The following PRKN variants were observed in gnomAD, a reference collection of about 807,000 sequenced individuals.
The protein encoded by PRKN is parkin RBR E3 ubiquitin protein ligase.
In PRKN, 56 loss-of-function variants were observed where a neutral mutation model predicts 59.5. The ratio of observed to expected loss-of-function variants is 0.94; its 90% CI spans 0.76 to 1.18. The LOEUF is 1.18. Ranked by LOEUF, PRKN falls within the 50% of genes most tolerant of loss-of-function variation. The pLI, the probability that PRKN is intolerant of heterozygous loss-of-function variation, is 0.00. For missense variants in PRKN, 657 were observed against 596.4 expected, an observed-to-expected ratio of 1.10 and a Z score of -1.06; for synonymous variants, 250 against 222.1, an observed-to-expected ratio of 1.13 and a Z score of -1.12.
chr6:162,404,987 C>T (rs535616637), intron 2 of PRKN, among the ~76,000 whole-genome samples: 1 of 152,204 alleles, frequency 6.6e-6, no homozygotes, highest in Admixed American at 6.5e-5. Context: ...AAGCACTAGG[C>T]CTATATTATT....
chr6:162,311,227 T>A (rs12214761), intron 2 of PRKN, among the ~76,000 whole-genome samples: 4 of 151,934 alleles, frequency 2.6e-5, no homozygotes, highest in African/African-American at 4.8e-5. Flanking sequence ...AAGAATAGAT[T>A]TGTTAAAATA....
chr6:162,013,702 T>C (rs1474875644), intron 5 of PRKN, among the ~76,000 whole-genome samples: 1 of 152,194 alleles, frequency 6.6e-6, no homozygotes, highest in East Asian at 1.9e-4. Context: ...ACTCTGGTTA[T>C]CTCAATATTT....
intron 1 of PRKN, among the ~76,000 whole-genome samples, chr6:162,605,525 C>G (rs112654661): frequency 6.6e-6 from 1 of 151,638 alleles, no homozygotes; most frequent in African/African-American, 2.4e-5. Context: ...TTCAAAACAC[C>G]CTAAGAACTC....
chr6:161,868,664 C>T (rs1794221059), intron 6 of PRKN, among the ~76,000 whole-genome samples: 3 of 152,144 alleles, frequency 2.0e-5, no homozygotes, highest in South Asian at 4.1e-4. Context: ...TGGAGAAGCA[C>T]AATCTTTAGG....
chr6:162,640,816 G>A (rs918475340), intron 1 of PRKN, among the ~76,000 whole-genome samples: 3 of 152,144 alleles, frequency 2.0e-5, no homozygotes, highest in Admixed American at 2.0e-4. Context: ...CCTTTCCACA[G>A]GTTCTGAACT....
At chr6:162,406,714 T>C (rs1044890029) in intron 2 of PRKN, among the ~76,000 whole-genome samples, 1 of 152,128 alleles carries the variant, frequency 6.6e-6, no homozygotes, top group Non-Finnish European at 1.5e-5. Context: ...CTATCCACCA[T>C]GAAAAGTTGA....
At chr6:162,201,629 A>G (rs7759069) in intron 3 of PRKN, among the ~76,000 whole-genome samples, 152,234 of 152,268 alleles carry the variant, frequency 1, 76,101 homozygotes, top group Non-Finnish European at 1. Context: ...TCGTGCTTCC[A>G]GACACAGTTT....
intron 1 of PRKN, among the ~76,000 whole-genome samples, chr6:162,686,507 A>T (rs1157138101): frequency 6.6e-6 from 1 of 152,174 alleles, no homozygotes; most frequent in Non-Finnish European, 1.5e-5. Flanking sequence ...AAGGCTGGAA[A>T]TTTGATATTT....
chr6:162,645,719 A>G lies in PRKN; in HGVS notation c.7+81943T>C, dbSNP rs998310364. 4.6e-5 allele frequency among the ~76,000 whole-genome samples: 7 copies of G among 152,286 alleles called. No homozygotes were observed. The East Asian group carries it at 7.7e-4, about 17-fold the overall frequency. ...AAAAGTAATAATCAACAAATCGGAT[A>G]TAACTGATGAGATTGTTTGATAGCC... On this transcript the variant is annotated intron_variant, in intron 1 of 11. Transcript: ENST00000366898.
intron 5 of PRKN, among the ~76,000 whole-genome samples, chr6:161,977,247 T>G (rs1359341268): frequency 6.6e-6 from 1 of 152,174 alleles, no homozygotes; most frequent in African/African-American, 2.4e-5. Flanking sequence ...GACAAAGGAC[T>G]GCAGAACTCA....
chr6:162,674,862 C>A (rs1285834965), intron 1 of PRKN, among the ~76,000 whole-genome samples: 1 of 151,986 alleles, frequency 6.6e-6, no homozygotes, highest in Admixed American at 6.6e-5. Flanking sequence ...AAGAAGGAAA[C>A]AGATGCCAGC....
In PRKN at chr6:162,688,572, T is replaced by C. The variant is rs115200679; in HGVS notation, c.7+39090A>G. The stretch of plus-strand genomic sequence containing the variant: ...TCCTAAAACAAAATTTAACTGTTAC[T>C]TTAGTGAGTACCAAGAGTGCACACA... On this transcript the variant is annotated intron_variant, in intron 1 of 11. Coordinates refer to ENST00000366898, the MANE Select transcript of PRKN (RefSeq NM_004562.3). Among the ~76,000 whole-genome samples, 258 of 152,322 alleles carry C rather than the reference T, an allele frequency of 1.7e-3. 1 individual carries two copies. Among genetic ancestry groups the C allele is most frequent in the African/African-American group, 6.0e-3 (249 of 41,578 alleles).
Position 161,914,841 on chromosome 6 carries a change from C to T in PRKN, c.734+58461G>A, listed in dbSNP as rs990396976. On this transcript the variant is annotated intron_variant, in intron 6 of 11. Transcript: ENST00000366898. ...TTAACAAGCAGGAGAGGGATGTTTC[C>T]CTGGTCTCACCAGCAATAAATGTGT... Among the ~76,000 whole-genome samples, 80 of 151,808 alleles carry T rather than the reference C, an allele frequency of 5.3e-4. 6 individuals carry two copies. Among genetic ancestry groups the T allele is most frequent in the Non-Finnish European group, 1.5e-5 (1 of 68,002 alleles).
chr6:161,371,482 T>TTA lies in PRKN; in HGVS notation c.1168-11278_1168-11277insTA, dbSNP rs1554253909. ...GCCCGGCCTATTTTGTTATTTTTTTTAAGAGAAATCATCAGAGTGTTGGGA... is the reference window on the plus strand; with the variant it reads ...GCCCGGCCTATTTTGTTATTTTTTTTTAAAGAGAAATCATCAGAGTGTTGGGA... On this transcript the variant is annotated intron_variant, in intron 10 of 11. Transcript: ENST00000366898. This position sits in a 1 kb window ranked among gnomAD's most constrained non-coding sequence, Gnocchi z 5.5. Among the ~76,000 whole-genome samples the TTA allele has an allele frequency of 6.6e-6, 1 of 151,512 alleles. No individual in the cohort carries two copies. Among genetic ancestry groups the TTA allele is most frequent in the Non-Finnish European group, 1.5e-5 (1 of 67,938 alleles).
intron 4 of PRKN, among the ~76,000 whole-genome samples, chr6:162,065,108 C>T (rs980854521): frequency 2.0e-5 from 3 of 152,126 alleles, no homozygotes; most frequent in Non-Finnish European, 2.9e-5. Flanking sequence ...AGAATTGGCT[C>T]ACATGATCAC....
At chr6:161,883,600 A>G (rs369905274) in intron 6 of PRKN, among the ~76,000 whole-genome samples, 2 of 152,258 alleles carry the variant, frequency 1.3e-5, no homozygotes, top group East Asian at 3.9e-4. Context: ...TAGAAAACAC[A>G]GACACAGCAT....
At chr6:162,249,273 A>C (rs1213211817) in intron 3 of PRKN, among the ~76,000 whole-genome samples, 1 of 152,222 alleles carries the variant, frequency 6.6e-6, no homozygotes. Context: ...TTACTTTTTC[A>C]TGAGAACATA....
chr6:162,722,959 T>C (rs912682474), intron 1 of PRKN, among the ~76,000 whole-genome samples: 6 of 152,218 alleles, frequency 3.9e-5, no homozygotes, highest in African/African-American at 1.4e-4. Flanking sequence ...TACCTCATTA[T>C]AAACAGAAGC....
chr6:161,680,775 A>ATTTTTTT lies in PRKN; in HGVS notation c.871+104990_871+104996dup, dbSNP rs869253616. ...TATATATATATATATATATATATAT[A>ATTTTTTT]TTTTTTTTTTTTTTTCTTTTCCTAA... On this transcript the variant is annotated intron_variant, in intron 7 of 11. Coordinates refer to ENST00000366898, the MANE Select transcript of PRKN (RefSeq NM_004562.3). Among the ~76,000 whole-genome samples the ATTTTTTT allele has an allele frequency of 2.6e-3, 80 of 30,590 alleles. 3 individuals carry two copies. Among genetic ancestry groups the ATTTTTTT allele is most frequent in the Admixed American group, 7.1e-3 (14 of 1,970 alleles). The allele number at this position is 30,590 out of a possible 152,430, so 20.1% of individuals were successfully genotyped here. A position where few individuals can be genotyped will look rare whatever the true frequency, so the allele number is the denominator to read the frequency against.
Sources: allele counts gnomAD v4.1 joint callset (sites outside exome capture counted in the v4.1 genomes callset), GRCh38; gene constraint gnomAD v4.1.1; non-coding constraint Gnocchi (gnomAD v3.1); transcripts MANE v1.5; gene names NCBI Gene and HGNC (gene_info 2026-07-23, HGNC 2026-07-21).